MYO5B: variants seen among roughly 807,000 people sequenced by gnomAD.
MYO5B encodes the protein myosin VB.
Under a neutral mutation model 229.3 loss-of-function variants are expected in MYO5B, and 143 were observed. The ratio of observed to expected loss-of-function variants is 0.62; its 90% CI spans 0.54 to 0.72. MYO5B has a LOEUF of 0.72. MYO5B is among the 30% of genes least tolerant of loss of function. MYO5B has a pLI of 0.00. For synonymous variants in MYO5B, 918 were observed against 885.2 expected (o/e 1.04, Z -0.66); for missense variants, 2,321 against 2,331.0 (o/e 1.00, Z 0.09).
At chr18:50,017,231 C>T (rs1327440463) in intron 4 of MYO5B, among the ~76,000 whole-genome samples, 2 of 152,202 alleles carry the variant, frequency 1.3e-5, no homozygotes, top group Admixed American at 1.3e-4. Flanking sequence ...GATTCTCCCG[C>T]CTCAGCCTCC....
rs191729206 is a variant in MYO5B, at chr18:49,997,930, C to A, written c.612+3325G>T. ...CCTAGGATGGGGCAGAGCAATCAATCAGTAATCAGCTGTCTGTCCCCTGAT... is the reference window on the plus strand; with the variant it reads ...CCTAGGATGGGGCAGAGCAATCAATAAGTAATCAGCTGTCTGTCCCCTGAT... On this transcript the variant is annotated intron_variant, in intron 5 of 39. Transcript: ENST00000285039. Among the ~76,000 whole-genome samples the A allele has an allele frequency of 1.1e-3, 164 of 152,256 alleles. 1 individual carries two copies. Among genetic ancestry groups the A allele is most frequent in the African/African-American group, 3.9e-3 (162 of 41,538 alleles).
chr18:50,043,389 ATAT>A (rs1267894700), intron 2 of MYO5B, among the ~76,000 whole-genome samples: 1 of 70,892 alleles, frequency 1.4e-5, no homozygotes, highest in South Asian at 4.5e-4. Flanking sequence ...TATATTAAAT[ATAT>A]TTAAATATAT....
At chr18:49,886,845 G>A (rs2024648234) in intron 22 of MYO5B, among the ~76,000 whole-genome samples, 1 of 152,110 alleles carries the variant, frequency 6.6e-6, no homozygotes, top group Non-Finnish European at 1.5e-5. Context: ...GGGCAAGGCT[G>A]TCACTCATCC....
At chr18:50,049,031 A>G (rs1016320863) in intron 2 of MYO5B, among the ~76,000 whole-genome samples, 2 of 151,978 alleles carry the variant, frequency 1.3e-5, no homozygotes, top group Admixed American at 6.6e-5. Context: ...CAGGAAAAAA[A>G]AAAAAAAAAA....
Position 49,984,765 on chromosome 18 carries a change from T to G in MYO5B, c.899A>C (p.Asp300Ala). Reference sequence around the variant, plus strand: ...AGTCTTCTCAAAGTCCTCAGCATCGTCCACACCCTCGATGGAAGTGTCTCC... The same window carrying G: ...AGTCTTCTCAAAGTCCTCAGCATCGGCCACACCCTCGATGGAAGTGTCTCC... ...QGGDTSIEGV[D>A]DAEDFEKTRQ... is the part of the protein sequence containing the mutation. Residue 300 changes from aspartate to alanine, a missense_variant, in exon 8 of 40, where the codon GAC (aspartate) becomes GCC (alanine). By Grantham distance (126) the Asp-to-Ala change is moderately radical. Transcript: ENST00000285039. 6.2e-7 allele frequency: 1 copy of G among 1,613,990 alleles called. No individual in the cohort carries two copies. Among genetic ancestry groups the G allele is most frequent in the Non-Finnish European group, 8.5e-7 (1 of 1,179,878 alleles).
At chr18:50,088,365 C>T (rs2144484345) in intron 1 of MYO5B, among the ~76,000 whole-genome samples, 1 of 152,300 alleles carries the variant, frequency 6.6e-6, no homozygotes, top group African/African-American at 2.4e-5. Flanking sequence ...ACCTACCACA[C>T]ACAGGAAAAA....
At chr18:50,008,332 T>C (rs1271116137) in intron 4 of MYO5B, among the ~76,000 whole-genome samples, 2 of 152,186 alleles carry the variant, frequency 1.3e-5, no homozygotes, top group Non-Finnish European at 2.9e-5. Flanking sequence ...AATCCTATGA[T>C]GGTCAATCTC....
At chr18:49,943,442 T>C (rs1369864329) in intron 14 of MYO5B, among the ~76,000 whole-genome samples, 6 of 152,206 alleles carry the variant, frequency 3.9e-5, no homozygotes, top group Admixed American at 3.9e-4. Context: ...AGGTAACTAG[T>C]GAGCTGTCAG....
intron 1 of MYO5B, among the ~76,000 whole-genome samples, chr18:50,116,370 C>T (rs907406621): frequency 2.0e-5 from 3 of 152,072 alleles, no homozygotes; most frequent in African/African-American, 7.3e-5. Flanking sequence ...TAAATGAACA[C>T]CTGGGAAGCA....
Position 50,013,279 on chromosome 18 carries a change from G to A in MYO5B, c.456-11868C>T, listed in dbSNP as rs191545190. 5.3e-5 allele frequency among the ~76,000 whole-genome samples: 8 copies of A among 152,284 alleles called. No homozygotes were observed. The East Asian group carries it at 1.5e-3, about 29-fold the overall frequency. On this transcript the variant is annotated intron_variant, in intron 4 of 39. Transcript: ENST00000285039. ...TGAAGAATACTACCCACTTTTTTCA[G>A]CCACACCAGTCTTGGAGTGGTAACA...
intron 21 of MYO5B, 37 bp downstream of exon 21, chr18:49,902,557 G>GC: frequency 6.2e-7 from 1 of 1,605,150 alleles, no homozygotes; most frequent in Non-Finnish European, 8.5e-7. Flanking sequence ...CAGTACCCAA[G>GC]CCCCCGACAC....
At position 49,825,429 on chromosome 18, in the gene MYO5B, CA is replaced by C. The variant is rs1466302397; in HGVS notation, c.*1041del. On this transcript the variant is annotated 3_prime_UTR_variant, in exon 40 of 40. Transcript: ENST00000285039. ...TTTATTCTCTTAAAAAAAAAAAACC[CA>C]AACTTTTGTATAATATCCCTGAACT... The C allele has an allele frequency of 6.6e-6, 1 of 151,088 alleles. No homozygotes were observed. Among genetic ancestry groups the C allele is most frequent in the African/African-American group, 2.4e-5 (1 of 41,162 alleles). The allele number at this position is 151,088 out of a possible 1,614,324, so 9.4% of individuals were successfully genotyped here.
intron 30 of MYO5B, among the ~76,000 whole-genome samples, chr18:49,856,346 C>A (rs2024262441): frequency 6.6e-6 from 1 of 152,222 alleles, no homozygotes; most frequent in South Asian, 2.1e-4. Context: ...ATACTGATGG[C>A]AGGCTCTGGG....
At chr18:49,930,142 A>G (rs1860234225) in intron 16 of MYO5B, among the ~76,000 whole-genome samples, 1 of 152,194 alleles carries the variant, frequency 6.6e-6, no homozygotes, top group African/African-American at 2.4e-5. Context: ...CCTCATCCAT[A>G]TAATGGGGGA....
intron 4 of MYO5B, among the ~76,000 whole-genome samples, chr18:50,017,874 G>A (rs893135696): frequency 1.2e-4 from 19 of 152,220 alleles, no homozygotes; most frequent in Middle Eastern, 3.4e-3. Flanking sequence ...TCCCAGAAAC[G>A]CCAGTTAACA....
intron 1 of MYO5B, among the ~76,000 whole-genome samples, chr18:50,117,594 T>C (rs1349084138): frequency 6.6e-6 from 1 of 152,088 alleles, no homozygotes; most frequent in Non-Finnish European, 1.5e-5. Flanking sequence ...AATACCTACT[T>C]GTTCCTTAAA....
intron 1 of MYO5B, among the ~76,000 whole-genome samples, chr18:50,161,951 G>GC (rs140214061): frequency 0.021 from 3,161 of 152,366 alleles, 96 homozygotes; most frequent in African/African-American, 0.07. Context: ...CAAAGGCAGG[G>GC]CCACCAGCTT....
At chr18:50,025,083 A>C (rs1344121018) in intron 4 of MYO5B, among the ~76,000 whole-genome samples, 1 of 152,142 alleles carries the variant, frequency 6.6e-6, no homozygotes, top group Non-Finnish European at 1.5e-5. Context: ...AATTACAGAG[A>C]CCCTGTTACA....
chr18:50,089,196 G>A (rs1334642304), intron 1 of MYO5B, among the ~76,000 whole-genome samples: 1 of 151,936 alleles, frequency 6.6e-6, no homozygotes, highest in African/African-American at 2.4e-5. Flanking sequence ...TGGCCAATAT[G>A]GTGAAACCCC....
Sources: allele counts gnomAD v4.1 joint callset (sites outside exome capture counted in the v4.1 genomes callset), GRCh38; gene constraint gnomAD v4.1.1; transcripts MANE v1.5; gene names NCBI Gene and HGNC (gene_info 2026-07-23, HGNC 2026-07-21).